The following ARHGAP21 variants were observed in gnomAD, a reference collection of about 807,000 sequenced individuals.
ARHGAP21 encodes the protein Rho GTPase activating protein 21.
ARHGAP21 carries 38 observed loss-of-function variants against 164.6 expected under a neutral mutation model. The ratio of observed to expected loss-of-function variants is 0.23; its 90% confidence interval spans 0.18 to 0.30. The LOEUF is 0.30. Ranked by LOEUF, ARHGAP21 falls within the 10% of genes least tolerant of loss-of-function variation. The pLI, the probability that ARHGAP21 is intolerant of heterozygous loss-of-function variation, is 1.00. For missense variants in ARHGAP21, 1,822 were observed against 2,370.7 expected (o/e 0.77, Z 4.81); for synonymous variants, 766 against 857.9 (o/e 0.89, Z 1.87).
At chr10:24,687,600 G>A (rs185650605) in intron 2 of ARHGAP21, among the ~76,000 whole-genome samples, 68 of 152,270 alleles carry the variant, frequency 4.5e-4, no homozygotes, top group African/African-American at 1.5e-3. Context: ...ACCAAATAGA[G>A]ATATTTTCAA....
rs1235136986 is a variant in ARHGAP21, at chr10:24,599,394, T to C, written c.3132+1252A>G. 2.0e-5 allele frequency among the ~76,000 whole-genome samples: 3 copies of C among 152,194 alleles called. No individual in the cohort carries two copies. In the East Asian group the frequency reaches 5.8e-4, roughly 29 times the overall value. On this transcript the variant is annotated intron_variant, in intron 14 of 25. Transcript: ENST00000396432. The stretch of plus-strand genomic sequence containing the variant: ...CTGTATAGCGGGTAGTTGTACAACA[T>C]AGGTTGCACTGATAAAGATCTGGTG...
intron 2 of ARHGAP21, among the ~76,000 whole-genome samples, chr10:24,671,554 A>G (rs1840705227): frequency 1.3e-5 from 2 of 152,122 alleles, no homozygotes; most frequent in South Asian, 4.2e-4. Flanking sequence ...TAAGCCATCC[A>G]TTCTCACAAG....
At position 24,648,775 on chromosome 10, in the gene ARHGAP21, GTC is replaced by G. The variant is rs1837861185; in HGVS notation, c.269-13674_269-13673del. ...GCCTAAGCAATAAGAGCAAAACTCTGTCTCAAAAAAAAAAAAAAAAAATCATC... is the reference window on the plus strand; with the variant it reads ...GCCTAAGCAATAAGAGCAAAACTCTGTCAAAAAAAAAAAAAAAAAATCATC... On this transcript the variant is annotated intron_variant, in intron 4 of 25. Coordinates refer to ENST00000396432, the MANE Select transcript of ARHGAP21 (RefSeq NM_020824.4). 4 of 742,392 alleles carry G rather than the reference GTC, an allele frequency of 5.4e-6. No individual in the cohort carries two copies. In the South Asian group the frequency reaches 2.5e-4, roughly 46 times the overall value. The allele number at this position is 742,392 out of a possible 1,614,324, so 46.0% of individuals were successfully genotyped here.
chr10:24,600,195 C>T (rs2076757707), intron 14 of ARHGAP21, among the ~76,000 whole-genome samples: 2 of 146,786 alleles, frequency 1.4e-5, no homozygotes, highest in Non-Finnish European at 3.0e-5. Flanking sequence ...TAGAAACTAA[C>T]TATTGTGTGA....
chr10:24,720,512 T>C (rs2132345117), intron 2 of ARHGAP21, among the ~76,000 whole-genome samples: 1 of 152,344 alleles, frequency 6.6e-6, no homozygotes, highest in South Asian at 2.1e-4. Flanking sequence ...TGTTTACAGA[T>C]GTCAAAAAGT....
intron 9 of ARHGAP21, among the ~76,000 whole-genome samples, chr10:24,619,184 C>A (rs767826749): frequency 6.6e-6 from 1 of 151,934 alleles, no homozygotes; most frequent in Non-Finnish European, 1.5e-5. Flanking sequence ...TAATTTGCTT[C>A]GCTGATTTCC....
intron 2 of ARHGAP21, among the ~76,000 whole-genome samples, chr10:24,709,815 C>G (rs1167778925): frequency 2.0e-5 from 3 of 151,676 alleles, no homozygotes; most frequent in African/African-American, 7.3e-5. Context: ...GACCAATATC[C>G]CTGACGCACA....
chr10:24,647,344 T>C (rs1837672806), intron 4 of ARHGAP21, among the ~76,000 whole-genome samples: 1 of 152,198 alleles, frequency 6.6e-6, no homozygotes, highest in Admixed American at 6.5e-5. Context: ...GAAGTTCAAG[T>C]TGTTATGTAA....
At chr10:24,648,122 A>G (rs865899870) in intron 4 of ARHGAP21, among the ~76,000 whole-genome samples, 1 of 152,174 alleles carries the variant, frequency 6.6e-6, no homozygotes, top group Non-Finnish European at 1.5e-5. Flanking sequence ...TACAGGCGTG[A>G]GCCACTGTGC....
At chr10:24,650,200 C>T (rs1363820171) in intron 4 of ARHGAP21, among the ~76,000 whole-genome samples, 1 of 152,072 alleles carries the variant, frequency 6.6e-6, no homozygotes, top group African/African-American at 2.4e-5. Context: ...GAGAGAATTA[C>T]ATCACATATA....
intron 4 of ARHGAP21, among the ~76,000 whole-genome samples, chr10:24,645,185 G>A (rs1837437720): frequency 6.6e-6 from 1 of 152,080 alleles, no homozygotes; most frequent in African/African-American, 2.4e-5. Context: ...AATCTGTTCT[G>A]GAATGCCATT....
chr10:24,590,840 T>TATACAG, intron 24 of ARHGAP21: 1 of 982,058 alleles, frequency 1.0e-6, no homozygotes, highest in Non-Finnish European at 1.2e-6. Context: ...AAGAACTACT[T>TATACAG]ATACAGCCCA....
In ARHGAP21 at chr10:24,585,632, A is replaced by C. The variant is rs528682728; in HGVS notation, c.4657T>G (p.Ser1553Ala). ...AACCTTGCCAGGGAGGCCTGGGAAG[A>C]CGTGCTGAGCAAAGTGCCAGAGTCA... ...GSDSGTLLST[S>A]SQASLARFSM... The change falls in exon 26 of 26, where the codon TCT (serine) becomes GCT (alanine). Residue 1553 changes from serine (S) to alanine (A), a missense_variant. Physicochemically the swap from Ser to Ala is moderately conservative, Grantham distance 99. Transcript: ENST00000396432. 1 of 1,614,054 alleles carries C rather than the reference A, an allele frequency of 6.2e-7. No individual in the cohort carries two copies. The highest frequency in any genetic ancestry group is 1.7e-5 in the Admixed American group (1 of 60,000).
chr10:24,646,270 A>G (rs11014191), intron 4 of ARHGAP21, among the ~76,000 whole-genome samples: 79,627 of 151,864 alleles, frequency 0.52, 20,992 homozygotes, highest in Middle Eastern at 0.58. Context: ...CAATCAGGAA[A>G]GAAAATGGGA....
chr10:24,715,414 ACAT>A (rs1845271094), intron 2 of ARHGAP21, among the ~76,000 whole-genome samples: 3 of 152,214 alleles, frequency 2.0e-5, no homozygotes, highest in African/African-American at 7.2e-5. Context: ...AAGAAATAAA[ACAT>A]CATCCATACA....
intron 4 of ARHGAP21, among the ~76,000 whole-genome samples, chr10:24,639,951 C>G (rs868586820): frequency 6.6e-6 from 1 of 151,254 alleles, no homozygotes; most frequent in Non-Finnish European, 1.5e-5. Flanking sequence ...TAATAGATTA[C>G]TTTTAAGAAG....
intron 2 of ARHGAP21, among the ~76,000 whole-genome samples, chr10:24,689,948 G>GTATGTATATGTATGTATA (rs1565169515): frequency 1.8e-4 from 1 of 5,480 alleles, no homozygotes; most frequent in Non-Finnish European, 4.0e-4. Context: ...ATATGTATAT[G>GTATGTATATGTATGTATA]TGTGTGTGTG....
At position 24,620,010 on chromosome 10, in the gene ARHGAP21, G is replaced by A. The variant is rs1834382860; in HGVS notation, c.1885C>T (p.Pro629Ser). 1 of 1,613,972 alleles carries A rather than the reference G, an allele frequency of 6.2e-7. No individual in the cohort carries two copies. ...GATGGTTTTGTGACATGCGTGGAAG[G>A]AGCTTTCAGAGAATTACTTCGGACT... ...VKVRSNSLKA[P>S]STHVTKPSFS... The change falls in exon 9 of 26, where the codon CCT (proline) becomes TCT (serine). Residue 629 changes from proline to serine, a missense_variant. Around this residue, in one of 5 missense-constraint regions of ARHGAP21, gnomAD observed 1,090 missense variants for 1,378.9 expected, o/e 0.79. Transcript: ENST00000396432.
At position 24,690,841 on chromosome 10, in the gene ARHGAP21, T is replaced by A. The variant is rs1055636361; in HGVS notation, c.64-20444A>T. ...AGACTCCATCTCAAAAAAAAAAATA[T>A]ATATATATATATACACATATATATA... On this transcript the variant is annotated intron_variant, in intron 2 of 25. Transcript: ENST00000396432. Among the ~76,000 whole-genome samples, 93 of 148,536 alleles carry A rather than the reference T, an allele frequency of 6.3e-4. 1 individual carries two copies. Among genetic ancestry groups the A allele is most frequent in the African/African-American group, 2.1e-3 (86 of 40,532 alleles).
Sources: gnomAD v4.1 joint callset for allele counts (sites outside exome capture counted in the v4.1 genomes callset) on GRCh38, gnomAD v4.1.1 for gene constraint, gnomAD v4.1.1 regional missense constraint, MANE v1.5 for transcripts, NCBI Gene and HGNC (gene_info 2026-07-23, HGNC 2026-07-21) for gene names.